The following CNTN4 variants were observed in gnomAD, a reference collection of about 807,000 sequenced individuals.
CNTN4 encodes contactin 4, also known as contactin-4.
In CNTN4, 77 loss-of-function variants were observed where a neutral mutation model predicts 122.5. The observed-to-expected ratio is 0.63, with a 90% CI of 0.52 to 0.76. The LOEUF is 0.76. Among genes scored for constraint, CNTN4 ranks in the 30% least tolerant of loss-of-function variants. The probability of loss-of-function intolerance (pLI) is 0.00; values close to 1 mark genes in which losing one functional copy is unlikely to be tolerated. For missense variants in CNTN4, 1,256 were observed against 1,259.1 expected, an observed-to-expected ratio of 1.00 and a Z score of 0.04; for synonymous variants, 512 against 447.0, an observed-to-expected ratio of 1.15 and a Z score of -1.83.
chr3:2,788,594 ACT>A (rs1170475543), intron 6 of CNTN4, among the ~76,000 whole-genome samples: 2 of 152,238 alleles, frequency 1.3e-5, no homozygotes, highest in Non-Finnish European at 2.9e-5. Context: ...GGAAAAATAT[ACT>A]GTCTTGTTAA....
intron 6 of CNTN4, among the ~76,000 whole-genome samples, chr3:2,748,485 T>C (rs561983067): frequency 5.3e-5 from 8 of 152,238 alleles, no homozygotes; most frequent in Middle Eastern, 3.4e-3. Context: ...GATAAGCATA[T>C]CTCCATTCAA....
In CNTN4 at chr3:3,003,706, A is replaced by C. The variant is rs1008914563; in HGVS notation, c.1486+15234A>C. On this transcript the variant is annotated intron_variant, in intron 14 of 24. Transcript: ENST00000418658. ...CACCAAAAAAAAAAAAAAAAAAAAA[A>C]AAAAAAAACAAAAAAACCCCACTGA... Among the ~76,000 whole-genome samples, 1,133 of 143,332 alleles carry C rather than the reference A, an allele frequency of 7.9e-3. 5 individuals are homozygous for C. Among genetic ancestry groups the C allele is most frequent in the Non-Finnish European group, 0.013 (889 of 67,154 alleles). The allele number at this position is 143,332 out of a possible 152,430, so 94.0% of individuals were successfully genotyped here.
chr3:2,157,651 A>G (rs2149157674), intron 2 of CNTN4, among the ~76,000 whole-genome samples: 1 of 152,304 alleles, frequency 6.6e-6, no homozygotes, highest in South Asian at 2.1e-4. Flanking sequence ...AAAATCAAGT[A>G]AAATGTCCTA....
chr3:2,770,826 A>G (rs1434523244), intron 6 of CNTN4, among the ~76,000 whole-genome samples: 4 of 152,250 alleles, frequency 2.6e-5, no homozygotes, highest in African/African-American at 9.6e-5. Flanking sequence ...CATTTGAGGC[A>G]TAGCTCAGGG....
intron 2 of CNTN4, among the ~76,000 whole-genome samples, chr3:2,158,482 T>C (rs2149161855): frequency 6.6e-6 from 1 of 152,338 alleles, no homozygotes; most frequent in African/African-American, 2.4e-5. Flanking sequence ...AGACAACCAT[T>C]GTAAATGCTT....
At chr3:2,732,610 CAG>C (rs2088778490) in intron 4 of CNTN4, among the ~76,000 whole-genome samples, 2 of 152,216 alleles carry the variant, frequency 1.3e-5, no homozygotes, top group Admixed American at 1.3e-4. Context: ...GGCTGCCACA[CAG>C]AGATAGAACA....
chr3:2,677,193 ATC>A (rs1302275414), intron 4 of CNTN4, among the ~76,000 whole-genome samples: 119 of 148,988 alleles, frequency 8.0e-4, no homozygotes, highest in African/African-American at 2.1e-3. Flanking sequence ...ATATAGATAT[ATC>A]TCTCTCTATA....
intron 4 of CNTN4, among the ~76,000 whole-genome samples, chr3:2,727,097 G>T (rs2088282830): frequency 1.3e-5 from 2 of 152,182 alleles, no homozygotes; most frequent in South Asian, 4.1e-4. Flanking sequence ...ACACGGTTAT[G>T]TCGCCTCCAT....
chr3:2,712,260 T>A (rs1013816358), intron 4 of CNTN4, among the ~76,000 whole-genome samples: 1 of 152,180 alleles, frequency 6.6e-6, no homozygotes, highest in East Asian at 1.9e-4. Flanking sequence ...AGTGATTTTT[T>A]AAAAAGTCTT....
intron 15 of CNTN4, among the ~76,000 whole-genome samples, chr3:3,027,217 G>C (rs1698801590): frequency 1.3e-5 from 2 of 152,162 alleles, no homozygotes; most frequent in Non-Finnish European, 2.9e-5. Context: ...GGTTTTTGCA[G>C]TTGAGTCACA....
intron 2 of CNTN4, among the ~76,000 whole-genome samples, chr3:2,209,241 A>G (rs999236945): frequency 3.3e-5 from 5 of 152,160 alleles, no homozygotes; most frequent in Admixed American, 3.3e-4. Context: ...AAGAGGAGAG[A>G]GAGAAGGTGA....
At chr3:3,006,494 T>C (rs1696663040) in intron 14 of CNTN4, among the ~76,000 whole-genome samples, 1 of 152,194 alleles carries the variant, frequency 6.6e-6, no homozygotes, top group Non-Finnish European at 1.5e-5. Context: ...ATAGTGATCA[T>C]CTCTTCCAGC....
At chr3:2,220,036 A>G (rs553547922) in intron 2 of CNTN4, among the ~76,000 whole-genome samples, 22 of 152,270 alleles carry the variant, frequency 1.4e-4, no homozygotes, top group African/African-American at 5.1e-4. Flanking sequence ...ACTTGCTGTT[A>G]GACAAATACA....
chr3:2,401,406 C>G (rs1249749634), intron 3 of CNTN4, among the ~76,000 whole-genome samples: 2 of 152,076 alleles, frequency 1.3e-5, no homozygotes, highest in Non-Finnish European at 2.9e-5. Context: ...TCAGAAATCT[C>G]CCAGGTATTT....
intron 13 of CNTN4, among the ~76,000 whole-genome samples, chr3:2,930,044 TC>T (rs1383605588): frequency 3.9e-5 from 6 of 152,200 alleles, no homozygotes; most frequent in Admixed American, 3.9e-4. Flanking sequence ...CCTTGCAACT[TC>T]CACTCATTTT....
intron 2 of CNTN4, among the ~76,000 whole-genome samples, chr3:2,285,718 A>G (rs932763793): frequency 6.6e-6 from 1 of 152,094 alleles, no homozygotes; most frequent in African/African-American, 2.4e-5. Flanking sequence ...ATCATCACTA[A>G]TGTCATTTTG....
intron 3 of CNTN4, among the ~76,000 whole-genome samples, chr3:2,564,081 A>T (rs1038106065): frequency 3.4e-4 from 52 of 152,188 alleles, no homozygotes; most frequent in Admixed American, 1.4e-3. Context: ...CATCATTCAT[A>T]AAAGAACTTA....
intron 2 of CNTN4, among the ~76,000 whole-genome samples, chr3:2,114,459 C>CA (rs1296894640): frequency 2.0e-5 from 3 of 151,700 alleles, no homozygotes; most frequent in African/African-American, 4.8e-5. Context: ...GACCTTGTCT[C>CA]AAAAAATAAA....
intron 3 of CNTN4, among the ~76,000 whole-genome samples, chr3:2,377,489 A>G (rs1279041326): frequency 6.6e-6 from 1 of 152,228 alleles, no homozygotes; most frequent in African/African-American, 2.4e-5. Flanking sequence ...CTCTCTAGAG[A>G]TCTGGTATCT....
Sources: gnomAD v4.1 joint callset for allele counts (sites outside exome capture counted in the v4.1 genomes callset) on GRCh38, gnomAD v4.1.1 for gene constraint, MANE v1.5 for transcripts, NCBI Gene and HGNC (gene_info 2026-07-23, HGNC 2026-07-21) for gene names.